Variants in GPC5 observed in about 807,000 individuals in gnomAD.
GPC5 encodes the protein glypican-5.
A neutral mutation model predicts 53.9 loss-of-function variants in GPC5; 47 were observed. That is an observed-to-expected ratio of 0.87 (90% confidence interval 0.69 to 1.11). The LOEUF (loss-of-function observed/expected upper bound fraction) is 1.11, where lower values mean the gene tolerates loss of function less well. GPC5 is among the 50% of genes most tolerant of loss of function. The pLI, the probability that GPC5 is intolerant of heterozygous loss-of-function variation, is 0.00. For missense variants in GPC5, 748 were observed against 713.1 expected (o/e 1.05, Z -0.56); for synonymous variants, 286 against 263.3 (o/e 1.09, Z -0.84).
At chr13:91,660,939 A>G (rs148021070) in intron 2 of GPC5, among the ~76,000 whole-genome samples, 4 of 152,276 alleles carry the variant, frequency 2.6e-5, no homozygotes, top group African/African-American at 9.6e-5. Flanking sequence ...GTACAAGGCA[A>G]TGTGCTGTCA....
chr13:91,948,116 T>C (rs1432334982), intron 6 of GPC5, among the ~76,000 whole-genome samples: 2 of 151,652 alleles, frequency 1.3e-5, no homozygotes, highest in African/African-American at 4.8e-5. Context: ...TAGTCCCAGC[T>C]ACTCGGGAGG....
intron 7 of GPC5, among the ~76,000 whole-genome samples, chr13:92,494,938 A>T (rs1315989920): frequency 1.8e-4 from 27 of 152,174 alleles, no homozygotes; most frequent in Admixed American, 1.5e-3. Flanking sequence ...TTTATTTTTT[A>T]AAAATTTTTT....
chr13:91,697,786 A>G (rs1231496382), intron 3 of GPC5, among the ~76,000 whole-genome samples: 1 of 152,176 alleles, frequency 6.6e-6, no homozygotes, highest in Admixed American at 6.5e-5. Flanking sequence ...TTAAAGGCAT[A>G]AGAACATAGA....
chr13:92,474,606 A>G (rs1312404725), intron 7 of GPC5, among the ~76,000 whole-genome samples: 3 of 151,874 alleles, frequency 2.0e-5, no homozygotes, highest in African/African-American at 7.3e-5. Context: ...TTTTTCAGAC[A>G]AAGAATTAAA....
chr13:91,399,146 C>G lies in GPC5; in HGVS notation c.100C>G (p.Arg34Gly). 2 of 1,613,526 alleles carry G rather than the reference C, an allele frequency of 1.2e-6. No homozygotes were observed. Among genetic ancestry groups the G allele is most frequent in the Non-Finnish European group, 1.7e-6 (2 of 1,179,828 alleles). ...GGGCGTGCAGACCTGCGAAGAAGTTCGGAAACTTTTCCAGTGGCGGCTGCT... is the reference window on the plus strand; with the variant it reads ...GGGCGTGCAGACCTGCGAAGAAGTTGGGAAACTTTTCCAGTGGCGGCTGCT... Reference protein sequence around the residue: ...SEGVQTCEEVRKLFQWRLLGA... With the variant: ...SEGVQTCEEVGKLFQWRLLGA... Residue 34 changes from arginine (R) to glycine (G), a missense_variant, in exon 1 of 8, where the codon CGG (arginine) becomes GGG (glycine). Arg to Gly is a moderately radical substitution (Grantham distance 125, BLOSUM62 -2). Coordinates refer to ENST00000377067, the MANE Select transcript of GPC5 (RefSeq NM_004466.6).
intron 3 of GPC5, among the ~76,000 whole-genome samples, chr13:91,701,212 A>C (rs2035985193): frequency 6.6e-6 from 1 of 152,160 alleles, no homozygotes; most frequent in African/African-American, 2.4e-5. Context: ...TTTTAGTGAG[A>C]ATGTTTAAAA....
chr13:91,527,249 G>T (rs985124753), intron 2 of GPC5, among the ~76,000 whole-genome samples: 1 of 152,204 alleles, frequency 6.6e-6, no homozygotes, highest in Admixed American at 6.5e-5. Flanking sequence ...TTACTTCCAA[G>T]ATACAATGAG....
At chr13:92,590,616 T>C (rs760186626) in intron 7 of GPC5, among the ~76,000 whole-genome samples, 6 of 152,184 alleles carry the variant, frequency 3.9e-5, no homozygotes, top group Non-Finnish European at 8.8e-5. Context: ...TTCTTTTGGA[T>C]TACAAAATAT....
At chr13:91,714,573 G>A (rs1444804030) in intron 3 of GPC5, among the ~76,000 whole-genome samples, 2 of 152,294 alleles carry the variant, frequency 1.3e-5, no homozygotes, top group East Asian at 1.9e-4. Context: ...ATATATAAAT[G>A]TGTGTAAATG....
intron 5 of GPC5, among the ~76,000 whole-genome samples, chr13:91,799,674 A>G (rs542975298): frequency 2.1e-3 from 323 of 152,296 alleles, no homozygotes; most frequent in African/African-American, 7.6e-3. Flanking sequence ...CAATCTATAT[A>G]CAGCATAGGA....
rs187103428 is a variant in GPC5 at position 91,665,246 on chromosome 13, G to A, written c.326-27941G>A. ...TTTTCTTCATTTTAGCTTATCTATG[G>A]CTCACACTTCTCCAATTAGGTCATT... is the stretch of plus-strand genomic sequence containing the variant. On this transcript the variant is annotated intron_variant, in intron 2 of 7. Transcript: ENST00000377067. Among the ~76,000 whole-genome samples the A allele has an allele frequency of 4.6e-5, 7 of 152,212 alleles. No individual in the cohort carries two copies. The East Asian group carries it at 1.4e-3, about 29-fold the overall frequency.
At chr13:91,696,033 T>C (rs991872819) in intron 3 of GPC5, among the ~76,000 whole-genome samples, 1 of 152,196 alleles carries the variant, frequency 6.6e-6, no homozygotes, top group Non-Finnish European at 1.5e-5. Flanking sequence ...CTGTTTGTCC[T>C]ATGTGAAAAG....
At position 92,771,230 on chromosome 13, in the gene GPC5, T is replaced by A. The variant is rs189394880; in HGVS notation, c.1562-95052T>A. ...TGAGAAGAGCTTCCTTGCAGCCTGT[T>A]GGGGCTAAGTCTAGGCTCACCACTT... On this transcript the variant is annotated intron_variant, in intron 7 of 7. Coordinates refer to ENST00000377067, the MANE Select transcript of GPC5 (RefSeq NM_004466.6). 1.2e-3 allele frequency among the ~76,000 whole-genome samples: 186 copies of A among 152,250 alleles called. 2 individuals carry two copies. Among genetic ancestry groups the A allele is most frequent in the African/African-American group, 4.3e-3 (180 of 41,562 alleles).
rs1566515331 is a variant in GPC5, at chr13:91,571,808, C to CGTAT, written c.326-121379_326-121378insGTAT. Reference sequence around the variant, plus strand: ...ATATACGTGTGTGTATATATACACACACATACGTGTGTGTATATATACACA... The same window carrying CGTAT: ...ATATACGTGTGTGTATATATACACACGTATACATACGTGTGTGTATATATACACA... On this transcript the variant is annotated intron_variant, in intron 2 of 7. Coordinates refer to ENST00000377067, the MANE Select transcript of GPC5 (RefSeq NM_004466.6). 8.9e-4 allele frequency among the ~76,000 whole-genome samples: 105 copies of CGTAT among 118,202 alleles called. 21 individuals carry two copies. Among genetic ancestry groups the CGTAT allele is most frequent in the African/African-American group, 3.5e-3 (99 of 27,982 alleles). 77.5% of individuals were successfully genotyped at this position (118,202 alleles called of 152,430 possible). A position where few individuals can be genotyped will look rare whatever the true frequency, so the allele number is the denominator to read the frequency against.
intron 2 of GPC5, among the ~76,000 whole-genome samples, chr13:91,683,418 G>T (rs1404255616): frequency 2.0e-5 from 3 of 152,122 alleles, no homozygotes; most frequent in Non-Finnish European, 4.4e-5. Flanking sequence ...TTAGCAATTT[G>T]CTACAGCAGC....
At chr13:91,461,878 A>G (rs759108086) in intron 2 of GPC5, among the ~76,000 whole-genome samples, 92 of 152,214 alleles carry the variant, frequency 6.0e-4, no homozygotes, top group Non-Finnish European at 8.1e-4. Flanking sequence ...GGCTGCCAAG[A>G]GTCACATTGT....
chr13:92,325,656 A>G (rs2043245941), intron 7 of GPC5, among the ~76,000 whole-genome samples: 1 of 152,108 alleles, frequency 6.6e-6, no homozygotes, highest in East Asian at 1.9e-4. Context: ...CACACAATGG[A>G]ATACTTCTTA....
chr13:91,498,405 T>C (rs555066170), intron 2 of GPC5, among the ~76,000 whole-genome samples: 1 of 152,108 alleles, frequency 6.6e-6, no homozygotes, highest in Non-Finnish European at 1.5e-5. Context: ...GCAACCTGTC[T>C]TGTGGGCTGG....
chr13:92,282,965 C>G (rs920034695), intron 7 of GPC5, among the ~76,000 whole-genome samples: 1 of 152,160 alleles, frequency 6.6e-6, no homozygotes, highest in African/African-American at 2.4e-5. Flanking sequence ...ATAAAAGAGT[C>G]AAGACCCATC....
Sources: gnomAD v4.1 joint callset for allele counts (sites outside exome capture counted in the v4.1 genomes callset) on GRCh38, gnomAD v4.1.1 for gene constraint, MANE v1.5 for transcripts, NCBI Gene and HGNC (gene_info 2026-07-23, HGNC 2026-07-21) for gene names.